The following ABCG1 variants were observed in gnomAD, a reference collection of about 807,000 sequenced individuals.
ABCG1 encodes the protein ATP binding cassette subfamily G member 1, also known as ATP-binding cassette sub-family G member 1.
In ABCG1, 29 loss-of-function variants were observed where a neutral mutation model predicts 69.2. The ratio of observed to expected loss-of-function variants is 0.42; its 90% CI spans 0.31 to 0.57. The LOEUF (loss-of-function observed/expected upper bound fraction) is 0.57. ABCG1 is among the 20% of genes least tolerant of loss of function. ABCG1 has a pLI of 0.15. For synonymous variants in ABCG1, 370 were observed against 374.8 expected (o/e 0.99, Z 0.15); for missense variants, 718 against 898.1 (o/e 0.80, Z 2.56).
In ABCG1 at chr21:42,296,693, C is replaced by A; in HGVS notation, c.*301C>A. 2.5e-6 allele frequency: 1 copy of A among 400,030 alleles called. No individual in the cohort carries two copies. The highest frequency in any genetic ancestry group is 2.0e-5 in the African/African-American group (1 of 49,218). The allele number at this position is 400,030 out of a possible 1,614,324, so 24.8% of individuals were successfully genotyped here. The stretch of plus-strand genomic sequence containing the variant: ...GGCAGAATTTAAAGCTGCAACACAG[C>A]TGGTGATGAGAGGCTTCCTCAGTCC... On this transcript the variant is annotated 3_prime_UTR_variant, in exon 15 of 15. Transcript: ENST00000398449. This position sits in a 1 kb window ranked among gnomAD's most constrained non-coding sequence, Gnocchi z 5.4.
chr21:42,281,628 G>A (rs2068810051), intron 5 of ABCG1, among the ~76,000 whole-genome samples: 1 of 152,200 alleles, frequency 6.6e-6, no homozygotes, highest in South Asian at 2.1e-4. Context: ...GCACCTCAGA[G>A]ACCTTGCTTT....
rs763057728 is a variant in ABCG1 at position 42,284,657 on chromosome 21, G to A, written c.832G>A (p.Ala278Thr). 8.1e-6 allele frequency: 13 copies of A among 1,613,748 alleles called. No individual in the cohort carries two copies. The highest frequency in any genetic ancestry group is 2.2e-5 in the East Asian group (1 of 44,878). Reference sequence around the variant, plus strand: ...CATTTGCACCATCCACCAGCCCAGCGCCAAACTCTTCGAGCTGTTCGACCA... The same window carrying A: ...CATTTGCACCATCCACCAGCCCAGCACCAAACTCTTCGAGCTGTTCGACCA... ...SIICTIHQPSAKLFELFDQLY... is the reference protein window; with the variant it reads ...SIICTIHQPSTKLFELFDQLY... The change falls in exon 7 of 15, where the codon GCC becomes ACC. Residue 278 changes from alanine to threonine, a missense_variant. This residue lies in a region of ABCG1 where 514 missense variants were observed against 574.3 expected (regional missense o/e 0.90). Transcript: ENST00000398449.
At chr21:42,208,070 C>G (rs937316445) in intron 2 of ABCG1, among the ~76,000 whole-genome samples, 3 of 152,126 alleles carry the variant, frequency 2.0e-5, no homozygotes, top group African/African-American at 7.2e-5. Flanking sequence ...TCTGAACTCC[C>G]CACTCTTTCT....
rs777060856 is a variant in ABCG1, at chr21:42,287,684, T to A, written c.974-205T>A. Among the ~76,000 whole-genome samples, 1 of 152,194 alleles carries A rather than the reference T, an allele frequency of 6.6e-6. No homozygotes were observed. The highest frequency in any genetic ancestry group is 2.4e-5 in the African/African-American group (1 of 41,446). ...ACAGTGTGTGTTTGCGTTTCCCGTC[T>A]CCTGACATGATAAAGGGCCTTGCTG... On this transcript the variant is annotated intron_variant, in intron 8 of 14. Coordinates refer to ENST00000398449, the MANE Select transcript of ABCG1 (RefSeq NM_016818.3). The surrounding 1 kb of genome is among the most constrained non-coding windows in gnomAD (Gnocchi z 6.2).
At chr21:42,256,282 G>C (rs768841076) in intron 2 of ABCG1, 1 of 1,519,916 alleles carries the variant, frequency 6.6e-7, no homozygotes, top group Admixed American at 2.1e-5. Flanking sequence ...CTCCCGCCAG[G>C]AGGTGGTCTT....
In ABCG1 at chr21:42,296,349, T is replaced by A; in HGVS notation, c.1958T>A (p.Ile653Asn). 6.2e-7 allele frequency: 1 copy of A among 1,614,160 alleles called. No individual in the cohort carries two copies. Among genetic ancestry groups the A allele is most frequent in the Middle Eastern group, 1.6e-4 (1 of 6,062 alleles). ...ATTTTCTTCATCTCCCTCCGCCTCA[T>A]TGCCTATTTTGTCCTCAGGTACAAA... ...LGIFFISLRL[I>N]AYFVLRYKIR... The change falls in exon 15 of 15, where the codon ATT (isoleucine) becomes AAT (asparagine). Residue 653 changes from isoleucine to asparagine, a missense_variant. Transcript: ENST00000398449. The surrounding 1 kb of genome is among the most constrained non-coding windows in gnomAD (Gnocchi z 5.4).
intron 2 of ABCG1, among the ~76,000 whole-genome samples, chr21:42,261,275 A>G (rs893671493): frequency 6.7e-6 from 1 of 148,340 alleles, no homozygotes; most frequent in African/African-American, 2.5e-5. Flanking sequence ...AAACGGAGGC[A>G]TTTGTGAGGG....
chr21:42,294,676 C>A lies in ABCG1; in HGVS notation c.1772+16C>A. 6.2e-7 allele frequency: 1 copy of A among 1,608,012 alleles called. No homozygotes were observed. The highest frequency in any genetic ancestry group is 8.5e-7 in the Non-Finnish European group (1 of 1,174,456). ...CCTATGTCAGGTAGCGGGCGTGGGG[C>A]ACGCATGGCGTGGGGACCGAGGGTG... On this transcript the variant is annotated intron_variant, in intron 14 of 14. Coordinates refer to ENST00000398449, the MANE Select transcript of ABCG1 (RefSeq NM_016818.3).
intron 6 of ABCG1, among the ~76,000 whole-genome samples, chr21:42,282,677 T>C (rs532664380): frequency 4.3e-4 from 65 of 152,358 alleles, no homozygotes; most frequent in African/African-American, 1.3e-3. Context: ...CCTTTCACGA[T>C]GCATATCTCT....
chr21:42,209,074 A>G (rs1396361240), intron 2 of ABCG1, among the ~76,000 whole-genome samples: 2 of 152,186 alleles, frequency 1.3e-5, no homozygotes, highest in Non-Finnish European at 2.9e-5. Flanking sequence ...CAGAGGTCTC[A>G]GGGAGGCAAG....
intron 2 of ABCG1, among the ~76,000 whole-genome samples, chr21:42,230,722 G>C (rs1280232805): frequency 6.6e-6 from 1 of 152,160 alleles, no homozygotes; most frequent in Non-Finnish European, 1.5e-5. Context: ...GGAATGCTTG[G>C]GTACTCGTAC....
chr21:42,253,890 A>AACT (rs555299614), intron 2 of ABCG1, among the ~76,000 whole-genome samples: 268 of 152,300 alleles, frequency 1.8e-3, no homozygotes, highest in African/African-American at 6.2e-3. Flanking sequence ...TTATTGATGT[A>AACT]ACTACTCCCT....
At chr21:42,204,888 T>C (rs1311155980) in intron 2 of ABCG1, among the ~76,000 whole-genome samples, 1 of 150,412 alleles carries the variant, frequency 6.6e-6, no homozygotes, top group Non-Finnish European at 1.5e-5. Context: ...ATAAAATGAA[T>C]TGAGAAGTAT....
chr21:42,235,247 C>T (rs2067962460), intron 2 of ABCG1, among the ~76,000 whole-genome samples: 1 of 152,128 alleles, frequency 6.6e-6, no homozygotes, highest in African/African-American at 2.4e-5. Flanking sequence ...ACTGGGAGAC[C>T]CCGGGAATGG....
chr21:42,276,855 G>C lies in ABCG1; in HGVS notation c.538-40G>C. The C allele has an allele frequency of 6.2e-7, 1 of 1,610,746 alleles. No homozygotes were observed. Among genetic ancestry groups the C allele is most frequent in the Middle Eastern group, 1.7e-4 (1 of 5,942 alleles). On this transcript the variant is annotated intron_variant, in intron 4 of 14. Coordinates refer to ENST00000398449, the MANE Select transcript of ABCG1 (RefSeq NM_016818.3). The surrounding 1 kb of genome is among the most constrained non-coding windows in gnomAD (Gnocchi z 5.3). ...CATGAGGCTCACACTGCCAGTGGCCGTCTGTTCTGCTTCCACACTGTTGTC... is the reference window on the plus strand; with the variant it reads ...CATGAGGCTCACACTGCCAGTGGCCCTCTGTTCTGCTTCCACACTGTTGTC...
Position 42,219,240 on chromosome 21 carries a change from G to A in ABCG1, c.-23G>A, listed in dbSNP as rs1055275865. The A allele has an allele frequency of 1.0e-4, 159 of 1,523,574 alleles. No homozygotes were observed. The highest frequency in any genetic ancestry group is 1.7e-4 in the Middle Eastern group (1 of 5,856). The allele number at this position is 1,523,574 out of a possible 1,614,324, so 94.4% of individuals were successfully genotyped here. A position where few individuals can be genotyped will look rare whatever the true frequency, so the allele number is the denominator to read the frequency against. Reference sequence around the variant, plus strand: ...CCTCGTCCCCGCCGCCGCCGCCGCCGCCGCCGCCGCCGCCCCCGGGGCATG... The same window carrying A: ...CCTCGTCCCCGCCGCCGCCGCCGCCACCGCCGCCGCCGCCCCCGGGGCATG... On this transcript the variant is annotated 5_prime_UTR_variant, in exon 1 of 15. Coordinates refer to ENST00000398449, the MANE Select transcript of ABCG1 (RefSeq NM_016818.3). The surrounding 1 kb of genome is among the most constrained non-coding windows in gnomAD (Gnocchi z 5.3).
Position 42,243,963 on chromosome 21 carries a change from C to T in ABCG1, c.286+18049C>T, listed in dbSNP as rs565367225. Among the ~76,000 whole-genome samples, 8 of 151,922 alleles carry T rather than the reference C, an allele frequency of 5.3e-5. No individual in the cohort carries two copies. In the South Asian group the frequency reaches 6.2e-4, roughly 12 times the overall value. ...CCTCCCGAATAGCTGGGACTACAGG[C>T]GCCCGCCACCACGCCCGGCTAATTT... On this transcript the variant is annotated intron_variant, in intron 2 of 14. Coordinates refer to ENST00000398449, the MANE Select transcript of ABCG1 (RefSeq NM_016818.3).
Position 42,291,166 on chromosome 21 carries a change from A to G in ABCG1, c.1468A>G (p.Lys490Glu). ...CAGCCTGAAGGCCTACTACCTGGCCAAGACCATGGCAGACGTGCCCTTTCA... is the reference window on the plus strand; with the variant it reads ...CAGCCTGAAGGCCTACTACCTGGCCGAGACCATGGCAGACGTGCCCTTTCA... The part of the protein sequence containing the change: ...WYSLKAYYLA[K>E]TMADVPFQIM... The change falls in exon 12 of 15, where the codon AAG becomes GAG. Residue 490 changes from lysine (K) to glutamate (E), a missense_variant. Transcript: ENST00000398449. The surrounding 1 kb of genome is among the most constrained non-coding windows in gnomAD (Gnocchi z 6.4). 1 of 1,614,118 alleles carries G rather than the reference A, an allele frequency of 6.2e-7. No individual in the cohort carries two copies. The highest frequency in any genetic ancestry group is 1.7e-5 in the Admixed American group (1 of 60,028).
intron 8 of ABCG1, among the ~76,000 whole-genome samples, chr21:42,286,738 G>A (rs920423986): frequency 2.0e-5 from 3 of 152,204 alleles, no homozygotes; most frequent in South Asian, 4.1e-4. Context: ...AGGGAAGGGC[G>A]GGCAGGAAGG....
Sources: allele counts gnomAD v4.1 joint callset (sites outside exome capture counted in the v4.1 genomes callset), GRCh38; gene constraint gnomAD v4.1.1; regional missense constraint gnomAD v4.1.1; non-coding constraint Gnocchi (gnomAD v3.1); transcripts MANE v1.5; gene names NCBI Gene and HGNC (gene_info 2026-07-23, HGNC 2026-07-21).